The following PLRG1 variants were observed in gnomAD, a reference collection of about 807,000 sequenced individuals.
PLRG1 encodes the protein pleiotropic regulator 1 (PRL1 homolog, Arabidopsis).
Under a neutral mutation model 74.9 loss-of-function variants are expected in PLRG1, and 28 were observed. That is an observed-to-expected ratio of 0.37 (90% CI 0.28 to 0.51). The LOEUF is 0.51. PLRG1 is among the 20% of genes least tolerant of loss of function. PLRG1 has a pLI of 0.91. For missense variants in PLRG1, 445 were observed against 631.9 expected (o/e 0.70, Z 3.17); for synonymous variants, 197 against 212.4 (o/e 0.93, Z 0.63).
intron 1 of PLRG1, chr4:154,549,785 T>C (rs1381408292): frequency 4.4e-6 from 2 of 456,388 alleles, no homozygotes; most frequent in Non-Finnish European, 4.4e-6. Flanking sequence ...GCAGCGGATA[T>C]GGAGAAGAGT....
Position 154,536,063 on chromosome 4 carries a change from G to A in PLRG1, c.*622C>T, listed in dbSNP as rs1322343589. 6.6e-6 allele frequency: 1 copy of A among 152,130 alleles called. No individual in the cohort carries two copies. The highest frequency in any genetic ancestry group is 1.5e-5 in the Non-Finnish European group (1 of 68,118). 9.4% of individuals were successfully genotyped at this position (152,130 alleles called of 1,614,324 possible). A position where few individuals can be genotyped will look rare whatever the true frequency, so the allele number is the denominator to read the frequency against. On this transcript the variant is annotated 3_prime_UTR_variant, in exon 15 of 15. Coordinates refer to ENST00000499023, the MANE Select transcript of PLRG1 (RefSeq NM_002669.4). ...TGAAGTCTTCCACAATCCTTCCTGA[G>A]AAAAATAAATGGTCTTATCCCTTCT...
intron 10 of PLRG1, 65 bp from the exon 11 acceptor site, chr4:154,540,118 G>C (rs1729528716): frequency 1.1e-6 from 1 of 886,978 alleles, no homozygotes; most frequent in Non-Finnish European, 1.9e-6. Flanking sequence ...GAAGATAACT[G>C]GATCAATTCA....
intron 4 of PLRG1, 21 bp from the exon 5 acceptor site, chr4:154,546,234 C>T: frequency 2.3e-6 from 3 of 1,291,506 alleles, no homozygotes; most frequent in South Asian, 1.2e-5. Context: ...GAAAAATCAA[C>T]TTCTTTTAGT....
At position 154,536,608 on chromosome 4, in the gene PLRG1, G is replaced by A; in HGVS notation, c.*77C>T. 1 of 744,418 alleles carries A rather than the reference G, an allele frequency of 1.3e-6. No homozygotes were observed. Among genetic ancestry groups the A allele is most frequent in the Non-Finnish European group, 2.3e-6 (1 of 433,874 alleles). 46.1% of individuals were successfully genotyped at this position (744,418 alleles called of 1,614,324 possible). The stretch of plus-strand genomic sequence containing the variant: ...TCCCAGCCAGAGCACAAAATGACTG[G>A]ATATCCTCATGAACGCCAAGCTTTT... On this transcript the variant is annotated 3_prime_UTR_variant, in exon 15 of 15. Transcript: ENST00000499023.
chr4:154,539,088 T>C lies in PLRG1; in HGVS notation c.1151+17A>G, dbSNP rs1729507737. ...AACTGAAGAAAAACAAGAAGCTAAT[T>C]AGGAAAATACACTTACTGTCTTGGA... On this transcript the variant is annotated intron_variant, in intron 12 of 14. Coordinates refer to ENST00000499023, the MANE Select transcript of PLRG1 (RefSeq NM_002669.4). The C allele has an allele frequency of 2.2e-6, 3 of 1,371,724 alleles. No individual in the cohort carries two copies. Among genetic ancestry groups the C allele is most frequent in the South Asian group, 2.3e-5 (2 of 86,246 alleles). 85.0% of individuals were successfully genotyped at this position (1,371,724 alleles called of 1,614,324 possible). A position where few individuals can be genotyped will look rare whatever the true frequency, so the allele number is the denominator to read the frequency against.
chr4:154,550,242 C>A (rs1729738732), intron 1 of PLRG1, 58 bp downstream of exon 1: 6 of 1,499,658 alleles, frequency 4.0e-6, no homozygotes, highest in Non-Finnish European at 5.6e-6. Flanking sequence ...CCCACGCGCA[C>A]TGCCAAAAAA....
intron 14 of PLRG1, 31 bp from the exon 15 acceptor site, chr4:154,536,775 T>C (rs1244881917): frequency 8.2e-7 from 1 of 1,219,572 alleles, no homozygotes; most frequent in Non-Finnish European, 1.2e-6. Flanking sequence ...TAAAATAAAG[T>C]ATTATTAGTT....
intron 3 of PLRG1, 35 bp downstream of exon 3, chr4:154,547,674 CAT>C: frequency 1.3e-6 from 2 of 1,580,998 alleles, no homozygotes; most frequent in Non-Finnish European, 1.7e-6. Context: ...TTAAAATTCA[CAT>C]ATAAGTCTGA....
rs1368532397 is a variant in PLRG1, at chr4:154,540,687, C to T, written c.846G>A (p.Arg282=). 2 of 1,612,466 alleles carry T rather than the reference C, an allele frequency of 1.2e-6. No homozygotes were observed. Among genetic ancestry groups the T allele is most frequent in the Non-Finnish European group, 1.7e-6 (2 of 1,178,598 alleles). ...CTGCACTTAAATGTCCATGATAATG[C>T]CGTATAACCTAAAGACAAAGCAGGA... is the stretch of plus-strand genomic sequence containing the variant. ...CWDLEYNKVI[R]HYHGHLSAVY... is the part of the protein sequence containing the mutation. The change falls in exon 10 of 15, where the codon CGG becomes CGA. Residue 282 remains arginine (R), a synonymous_variant. Transcript: ENST00000499023.
intron 7 of PLRG1, 35 bp downstream of exon 7, chr4:154,544,410 G>GA (rs1370129180): frequency 5.3e-6 from 6 of 1,122,750 alleles, no homozygotes. Context: ...AAGCAATCAT[G>GA]GTTCACATAA....
intron 7 of PLRG1, 54 bp from the exon 8 acceptor site, chr4:154,542,333 A>G: frequency 9.2e-7 from 1 of 1,081,788 alleles, no homozygotes; most frequent in Non-Finnish European, 1.4e-6. Context: ...AAATGTATTT[A>G]AGTTTAACTG....
chr4:154,535,073 T>C lies in PLRG1; in HGVS notation c.*1612A>G, dbSNP rs1729420412. On this transcript the variant is annotated 3_prime_UTR_variant, in exon 15 of 15. Coordinates refer to ENST00000499023, the MANE Select transcript of PLRG1 (RefSeq NM_002669.4). Reference sequence around the variant, plus strand: ...ATAGAAAATTAAAACATTATAGAAATATGTAAAGCCACCCATGAAAGTTCT... The same window carrying C: ...ATAGAAAATTAAAACATTATAGAAACATGTAAAGCCACCCATGAAAGTTCT... 1 of 152,118 alleles carries C rather than the reference T, an allele frequency of 6.6e-6. No homozygotes were observed. Among genetic ancestry groups the C allele is most frequent in the Non-Finnish European group, 1.5e-5 (1 of 68,012 alleles). The allele number at this position is 152,118 out of a possible 1,614,324, so 9.4% of individuals were successfully genotyped here.
chr4:154,549,256 T>C (rs746246897), intron 1 of PLRG1: 4 of 371,388 alleles, frequency 1.1e-5, no homozygotes, highest in African/African-American at 2.1e-5. Flanking sequence ...ATGGTCCCTG[T>C]GCTCAAGAGG....
rs547475804 is a variant in PLRG1, at chr4:154,535,019, C to A, written c.*1666G>T. 1 of 151,948 alleles carries A rather than the reference C, an allele frequency of 6.6e-6. No individual in the cohort carries two copies. The highest frequency in any genetic ancestry group is 2.4e-5 in the African/African-American group (1 of 41,474). The allele number at this position is 151,948 out of a possible 1,614,324, so 9.4% of individuals were successfully genotyped here. ...GAATGCAAGTGTAGTGTTCTTTTTT[C>A]TTTATTTAAGTTTACGAAATACATG... On this transcript the variant is annotated 3_prime_UTR_variant, in exon 15 of 15. Transcript: ENST00000499023.
rs1276023805 is a variant in PLRG1, at chr4:154,536,056, T to C, written c.*629A>G. The stretch of plus-strand genomic sequence containing the variant: ...TACTCTATGAAGTCTTCCACAATCC[T>C]TCCTGAGAAAAATAAATGGTCTTAT... On this transcript the variant is annotated 3_prime_UTR_variant, in exon 15 of 15. Transcript: ENST00000499023. 6.6e-6 allele frequency: 1 copy of C among 152,304 alleles called. No individual in the cohort carries two copies. Among genetic ancestry groups the C allele is most frequent in the African/African-American group, 2.4e-5 (1 of 41,424 alleles). 9.4% of individuals were successfully genotyped at this position (152,304 alleles called of 1,614,324 possible).
chr4:154,537,315 T>C lies in PLRG1; in HGVS notation c.1456A>G (p.Ile486Val). Residue 486 changes from isoleucine (I) to valine (V), a missense_variant, in exon 14 of 15, where the codon ATT becomes GTT. Coordinates refer to ENST00000499023, the MANE Select transcript of PLRG1 (RefSeq NM_002669.4). ...GTGTCATCCTCTCTGTATACTTTAATGGTTTTATCAGCTTCAGCTGTTAGT... is the reference window on the plus strand; with the variant it reads ...GTGTCATCCTCTCTGTATACTTTAACGGTTTTATCAGCTTCAGCTGTTAGT... The part of the protein sequence containing the change: ...RLLTAEADKT[I>V]KVYREDDTAT... 5.6e-6 allele frequency: 9 copies of C among 1,612,842 alleles called. No homozygotes were observed. Among genetic ancestry groups the C allele is most frequent in the Non-Finnish European group, 7.6e-6 (9 of 1,179,152 alleles).
At chr4:154,542,009 T>G in intron 8 of PLRG1, 178 bp downstream of exon 8, 1 of 565,158 alleles carries the variant, frequency 1.8e-6, no homozygotes, top group Non-Finnish European at 3.2e-6. Flanking sequence ...TAAATAGCAC[T>G]TTTCAAACAG....
At chr4:154,547,526 T>C (rs1170529962) in intron 3 of PLRG1, 185 bp downstream of exon 3, 1 of 606,062 alleles carries the variant, frequency 1.7e-6, no homozygotes, top group South Asian at 2.1e-5. Flanking sequence ...TTTTATTTCC[T>C]ATAAGAAAAA....
At chr4:154,542,062 C>G (rs912245307) in intron 8 of PLRG1, 125 bp downstream of exon 8, 3 of 636,900 alleles carry the variant, frequency 4.7e-6, no homozygotes, top group Non-Finnish European at 8.5e-6. Flanking sequence ...ATAAATTTTA[C>G]TCCTTATTCA....
Sources: allele counts gnomAD v4.1 joint callset, GRCh38; gene constraint gnomAD v4.1.1; transcripts MANE v1.5; gene names NCBI Gene and HGNC (gene_info 2026-07-23, HGNC 2026-07-21).